The following TIAL1 variants were observed in gnomAD, a reference collection of about 807,000 sequenced individuals.
The protein encoded by TIAL1 is nucleolysin TIAR.
In TIAL1, 7 loss-of-function variants were observed where a neutral mutation model predicts 59.7. That is an observed-to-expected ratio of 0.12 (90% CI 0.07 to 0.22). The LOEUF (loss-of-function observed/expected upper bound fraction) is 0.22, where lower values mean the gene tolerates loss of function less well. TIAL1 is among the 10% of genes least tolerant of loss of function. The probability of loss-of-function intolerance (pLI) is 1.00; values close to 1 mark genes in which losing one functional copy is unlikely to be tolerated. For synonymous variants in TIAL1, 149 were observed against 146.3 expected (o/e 1.02, Z -0.13); for missense variants, 225 against 462.5 (o/e 0.49, Z 4.71).
intron 5 of TIAL1, among the ~76,000 whole-genome samples, chr10:119,581,502 TCCC>T (rs1845304830): frequency 6.6e-6 from 1 of 151,988 alleles, no homozygotes; most frequent in South Asian, 2.1e-4. Context: ...TTACCTACTC[TCCC>T]CCATTTATAA....
At chr10:119,595,518 T>C (rs930304237) in intron 1 of TIAL1, among the ~76,000 whole-genome samples, 7 of 151,752 alleles carry the variant, frequency 4.6e-5, no homozygotes, top group Admixed American at 6.6e-5. Flanking sequence ...TCACTCTTCA[T>C]TGGAAAGGAA....
intron 1 of TIAL1, among the ~76,000 whole-genome samples, chr10:119,590,339 C>T (rs1482251083): frequency 6.6e-6 from 1 of 152,188 alleles, no homozygotes; most frequent in African/African-American, 2.4e-5. Flanking sequence ...CTGCTTGCCC[C>T]TTCTTAACTC....
In TIAL1 at chr10:119,582,304, A is replaced by G. The variant is rs1365994131; in HGVS notation, c.229-81T>C. On this transcript the variant is annotated intron_variant, in intron 3 of 11. Transcript: ENST00000436547. This position sits in a 1 kb window ranked among gnomAD's most constrained non-coding sequence, Gnocchi z 5.1. The stretch of plus-strand genomic sequence containing the variant: ...CTTACCACTTATTAAATCATTTATC[A>G]AGCAGGGTTATTTTTGTAAAAGCAC... The G allele has an allele frequency of 1.4e-6, 2 of 1,471,878 alleles. No individual in the cohort carries two copies. The highest frequency in any genetic ancestry group is 1.4e-5 in the African/African-American group (1 of 70,574). The allele number at this position is 1,471,878 out of a possible 1,614,324, so 91.2% of individuals were successfully genotyped here.
intron 1 of TIAL1, among the ~76,000 whole-genome samples, chr10:119,589,356 C>T (rs1428993893): frequency 2.0e-5 from 3 of 152,170 alleles, no homozygotes; most frequent in Non-Finnish European, 2.9e-5. Flanking sequence ...CAGGCGTGCA[C>T]CACCACGCCC....
Position 119,575,549 on chromosome 10 carries a change from A to T in TIAL1, c.*116T>A. The stretch of plus-strand genomic sequence containing the variant: ...AGCAAATCTGTGCTAAAGGTTCCAA[A>T]CATTTCAATTTTTAAAATAAATATT... On this transcript the variant is annotated 3_prime_UTR_variant, in exon 12 of 12. Coordinates refer to ENST00000436547, the MANE Select transcript of TIAL1 (RefSeq NM_003252.4). The T allele has an allele frequency of 7.0e-7, 1 of 1,432,510 alleles. No individual in the cohort carries two copies. The highest frequency in any genetic ancestry group is 1.2e-5 in the South Asian group (1 of 81,722). The allele number at this position is 1,432,510 out of a possible 1,614,324, so 88.7% of individuals were successfully genotyped here. A position where few individuals can be genotyped will look rare whatever the true frequency, so the allele number is the denominator to read the frequency against.
chr10:119,589,119 T>C (rs1845721304), intron 1 of TIAL1, among the ~76,000 whole-genome samples: 2 of 152,180 alleles, frequency 1.3e-5, no homozygotes, highest in African/African-American at 4.8e-5. Flanking sequence ...AGTAAGGTTG[T>C]TTGCAATGAT....
chr10:119,592,003 T>C (rs982542959), intron 1 of TIAL1: 1 of 152,254 alleles, frequency 6.6e-6, no homozygotes, highest in African/African-American at 2.4e-5. Flanking sequence ...TGGTAGTTCA[T>C]TGAAATGACA....
chr10:119,576,851 A>G, intron 10 of TIAL1, 101 bp from the exon 11 acceptor site: 1 of 1,474,660 alleles, frequency 6.8e-7, no homozygotes, highest in Non-Finnish European at 9.2e-7. Context: ...AAGCACCCTT[A>G]TGTGAATAGG....
Position 119,596,914 on chromosome 10 carries a change from G to T in TIAL1, c.-449C>A, listed in dbSNP as rs17516000. On this transcript the variant is annotated 5_prime_UTR_variant, in exon 1 of 12. Transcript: ENST00000436547. Reference sequence around the variant, plus strand: ...GCAAAAAGAGAAACGTCGTGAAGCCGAAGTCTCTGGGAATTGTGGTCCTGG... The same window carrying T: ...GCAAAAAGAGAAACGTCGTGAAGCCTAAGTCTCTGGGAATTGTGGTCCTGG... 1.2e-3 allele frequency: 227 copies of T among 185,772 alleles called. 2 individuals are homozygous for T. The East Asian group carries it at 0.036, about 30-fold the overall frequency. The allele number at this position is 185,772 out of a possible 1,614,324, so 11.5% of individuals were successfully genotyped here.
Position 119,596,611 on chromosome 10 carries a change from C to T in TIAL1, c.-146G>A. ...ACCCTGCTCTCGGGCTCTCTCCCCC[C>T]AGCCCGCTCCGGACACTGCGCTCCA... On this transcript the variant is annotated 5_prime_UTR_variant, in exon 1 of 12. Coordinates refer to ENST00000436547, the MANE Select transcript of TIAL1 (RefSeq NM_003252.4). The T allele has an allele frequency of 4.6e-6, 3 of 656,730 alleles. No homozygotes were observed. The highest frequency in any genetic ancestry group is 3.8e-5 in the South Asian group (2 of 53,084). The allele number at this position is 656,730 out of a possible 1,614,324, so 40.7% of individuals were successfully genotyped here. A position where few individuals can be genotyped will look rare whatever the true frequency, so the allele number is the denominator to read the frequency against.
At chr10:119,581,773 A>T in intron 5 of TIAL1, 149 bp downstream of exon 5, 1 of 622,732 alleles carries the variant, frequency 1.6e-6, no homozygotes, top group Non-Finnish European at 2.7e-6. Flanking sequence ...AACATCCACT[A>T]CTCAAAACAA....
Position 119,575,566 on chromosome 10 carries a change from A to G in TIAL1, c.*99T>C. The G allele has an allele frequency of 6.6e-7, 1 of 1,505,316 alleles. No homozygotes were observed. Among genetic ancestry groups the G allele is most frequent in the Non-Finnish European group, 9.2e-7 (1 of 1,091,652 alleles). The allele number at this position is 1,505,316 out of a possible 1,614,324, so 93.2% of individuals were successfully genotyped here. A position where few individuals can be genotyped will look rare whatever the true frequency, so the allele number is the denominator to read the frequency against. On this transcript the variant is annotated 3_prime_UTR_variant, in exon 12 of 12. Coordinates refer to ENST00000436547, the MANE Select transcript of TIAL1 (RefSeq NM_003252.4). ...GGTTCCAAACATTTCAATTTTTAAA[A>G]TAAATATTTTCATTTTCCGATGTCT...
At position 119,582,698 on chromosome 10, in the gene TIAL1, A is replaced by C. The variant is rs2133973186; in HGVS notation, c.130-141T>G. On this transcript the variant is annotated intron_variant, in intron 2 of 11. Transcript: ENST00000436547. The surrounding 1 kb of genome is among the most constrained non-coding windows in gnomAD (Gnocchi z 5.1). ...AGCTTATGAAAGCCTAACACTTTTTAAATAAGATTTAAAGCTAAACCTGAC... is the reference window on the plus strand; with the variant it reads ...AGCTTATGAAAGCCTAACACTTTTTCAATAAGATTTAAAGCTAAACCTGAC... 9 of 1,351,176 alleles carry C rather than the reference A, an allele frequency of 6.7e-6. No individual in the cohort carries two copies. Among genetic ancestry groups the C allele is most frequent in the Middle Eastern group, 1.9e-4 (1 of 5,198 alleles). The allele number at this position is 1,351,176 out of a possible 1,614,324, so 83.7% of individuals were successfully genotyped here.
chr10:119,578,928 C>T (rs1845167616), intron 6 of TIAL1, 94 bp from the exon 7 acceptor site: 1 of 887,152 alleles, frequency 1.1e-6, no homozygotes, highest in African/African-American at 1.7e-5. Flanking sequence ...TGGTTCCATA[C>T]AAATCAGTAG....
At position 119,596,653 on chromosome 10, in the gene TIAL1, G is replaced by A. The variant is rs1379827972; in HGVS notation, c.-188C>T. 8.4e-6 allele frequency: 5 copies of A among 597,684 alleles called. No individual in the cohort carries two copies. The Admixed American group carries it at 1.2e-4, about 14-fold the overall frequency. The allele number at this position is 597,684 out of a possible 1,614,324, so 37.0% of individuals were successfully genotyped here. A position where few individuals can be genotyped will look rare whatever the true frequency, so the allele number is the denominator to read the frequency against. ...TGCGCTCCAACCAGGAGGAGCAGGAGGAGGAGGAGGATGAACAAAATGGCC... is the reference window on the plus strand; with the variant it reads ...TGCGCTCCAACCAGGAGGAGCAGGAAGAGGAGGAGGATGAACAAAATGGCC... On this transcript the variant is annotated 5_prime_UTR_variant, in exon 1 of 12. Transcript: ENST00000436547.
At chr10:119,575,924 G>T in intron 11 of TIAL1, 133 bp from the exon 12 acceptor site, 6 of 838,558 alleles carry the variant, frequency 7.2e-6, no homozygotes, top group South Asian at 2.3e-5. Flanking sequence ...CAAATAGAAA[G>T]ATCAAAGAAA....
At chr10:119,592,048 C>T (rs1205264302) in intron 1 of TIAL1, 3 of 152,184 alleles carry the variant, frequency 2.0e-5, no homozygotes, top group Non-Finnish European at 4.4e-5. Flanking sequence ...TTCTACACTT[C>T]ACTTTCTTTC....
chr10:119,579,779 T>C (rs1432405278), intron 6 of TIAL1, among the ~76,000 whole-genome samples, 156 bp downstream of exon 6: 1 of 152,208 alleles, frequency 6.6e-6, no homozygotes, highest in African/African-American at 2.4e-5. Context: ...GAAAGAGGAA[T>C]GAAATTATAC....
Position 119,582,174 on chromosome 10 carries a change from G to A in TIAL1, c.278C>T (p.Thr93Ile). 2 of 1,607,134 alleles carry A rather than the reference G, an allele frequency of 1.2e-6. No individual in the cohort carries two copies. Among genetic ancestry groups the A allele is most frequent in the Non-Finnish European group, 1.7e-6 (2 of 1,177,738 alleles). The change falls in exon 4 of 12, where the codon ACT becomes ATT. Residue 93 changes from threonine (T) to isoleucine (I), a missense_variant. Thr to Ile is a moderately conservative substitution (Grantham distance 89, BLOSUM62 -1). Coordinates refer to ENST00000436547, the MANE Select transcript of TIAL1 (RefSeq NM_003252.4). This position sits in a 1 kb window ranked among gnomAD's most constrained non-coding sequence, Gnocchi z 5.1. Reference sequence around the variant, plus strand: ...AATGCAGCAGGAGTACTTACTGGAAGTATCTTTTTTCTGGCTACTTGGTGT... The same window carrying A: ...AATGCAGCAGGAGTACTTACTGGAAATATCTTTTTTCTGGCTACTTGGTGT... ...ATTPSSQKKD[T>I]SNHFHVFVGD...
Sources: gnomAD v4.1 joint callset for allele counts (sites outside exome capture counted in the v4.1 genomes callset) on GRCh38, gnomAD v4.1.1 for gene constraint, Gnocchi (gnomAD v3.1) non-coding constraint, MANE v1.5 for transcripts, NCBI Gene and HGNC (gene_info 2026-07-23, HGNC 2026-07-21) for gene names.